Variants in SLC5A8 observed in about 807,000 individuals in gnomAD.
SLC5A8 encodes solute carrier family 5 member 8, also known as sodium-coupled monocarboxylate transporter 1.
SLC5A8 carries 55 observed loss-of-function variants against 71.9 expected under a neutral mutation model. The ratio of observed to expected loss-of-function variants is 0.77; its 90% CI spans 0.62 to 0.96. The LOEUF is 0.96. SLC5A8 is among the 40% of genes least tolerant of loss of function. SLC5A8 has a pLI of 0.00. For missense variants in SLC5A8, 701 were observed against 745.3 expected, an observed-to-expected ratio of 0.94 and a Z score of 0.69; for synonymous variants, 307 against 276.1, an observed-to-expected ratio of 1.11 and a Z score of -1.11.
chr12:101,198,134 A>C (rs1048375293), intron 3 of SLC5A8, among the ~76,000 whole-genome samples: 4 of 152,022 alleles, frequency 2.6e-5, no homozygotes, highest in Non-Finnish European at 5.9e-5. Flanking sequence ...CTAAATAAAA[A>C]CACAAGGTAT....
chr12:101,200,569 G>A (rs1295140696), intron 3 of SLC5A8, among the ~76,000 whole-genome samples: 3 of 151,704 alleles, frequency 2.0e-5, no homozygotes, highest in South Asian at 2.1e-4. Flanking sequence ...AAAAAATCAG[G>A]GAAATGTAAA....
chr12:101,163,438 G>A (rs1388445470), intron 12 of SLC5A8, among the ~76,000 whole-genome samples: 2 of 152,136 alleles, frequency 1.3e-5, no homozygotes, highest in African/African-American at 4.8e-5. Flanking sequence ...CAGCACTTTG[G>A]GAGACCAAGG....
At chr12:101,180,499 G>C (rs1353860188) in intron 9 of SLC5A8, among the ~76,000 whole-genome samples, 1 of 152,200 alleles carries the variant, frequency 6.6e-6, no homozygotes, top group Non-Finnish European at 1.5e-5. Context: ...TACAAGGTGA[G>C]AGAAGGAGTA....
At chr12:101,198,023 A>G (rs1210397892) in intron 3 of SLC5A8, among the ~76,000 whole-genome samples, 1 of 152,210 alleles carries the variant, frequency 6.6e-6, no homozygotes, top group East Asian at 1.9e-4. Context: ...TAACAAAAAG[A>G]CATGATAGAA....
chr12:101,200,222 C>G (rs752782887), intron 3 of SLC5A8, among the ~76,000 whole-genome samples: 4 of 151,574 alleles, frequency 2.6e-5, no homozygotes, highest in Admixed American at 6.6e-5. Flanking sequence ...ATTTCTTGGG[C>G]CCATAGGAGA....
intron 3 of SLC5A8, among the ~76,000 whole-genome samples, chr12:101,200,045 A>AAAAAAAAAAG: frequency 9.7e-6 from 1 of 102,672 alleles, no homozygotes; most frequent in Non-Finnish European, 1.9e-5. Flanking sequence ...AAAAAAAAAA[A>AAAAAAAAAAG]AAAAAAAAAG....
At chr12:101,166,256 C>G (rs563237083) in intron 12 of SLC5A8, among the ~76,000 whole-genome samples, 2 of 152,250 alleles carry the variant, frequency 1.3e-5, no homozygotes, top group South Asian at 4.2e-4. Flanking sequence ...ACAGAAGTTT[C>G]TCATTAATAT....
rs187536570 is a variant in SLC5A8, at chr12:101,193,803, A to T, written c.538-24T>A. The T allele has an allele frequency of 1.9e-6, 3 of 1,610,932 alleles. No homozygotes were observed. The African/African-American group carries it at 4.0e-5, about 22-fold the overall frequency. ...CCCTTTGAGGGGAAAGTATATTAGGATTAATGCTTCTATTAGACATTATTA... is the reference window on the plus strand; with the variant it reads ...CCCTTTGAGGGGAAAGTATATTAGGTTTAATGCTTCTATTAGACATTATTA... On this transcript the variant is annotated intron_variant, in intron 4 of 14. Coordinates refer to ENST00000536262, the MANE Select transcript of SLC5A8 (RefSeq NM_145913.5).
intron 12 of SLC5A8, among the ~76,000 whole-genome samples, chr12:101,163,057 T>C (rs1482718930): frequency 6.6e-6 from 1 of 152,092 alleles, no homozygotes; most frequent in Non-Finnish European, 1.5e-5. Context: ...AGAAACAAAA[T>C]GTTCTTGAGG....
chr12:101,189,021 G>C (rs1033919556), intron 6 of SLC5A8, among the ~76,000 whole-genome samples: 1 of 152,170 alleles, frequency 6.6e-6, no homozygotes, highest in African/African-American at 2.4e-5. Flanking sequence ...AGACGAAAAT[G>C]AGTCCCCTGG....
rs764072164 is a variant in SLC5A8 at position 101,158,262 on chromosome 12, T to C, written c.1697A>G (p.Asp566Gly). The stretch of plus-strand genomic sequence containing the variant: ...AAGCCAACTCACTTTCTTAAAAATA[T>C]CAAAATTGGATAAAAAGTCCTCTTT... ...LTKEDFLSNF[D>G]IFKKKKHVLS... Residue 566 changes from aspartate to glycine, a missense_variant, in exon 14 of 15, where the codon GAT (aspartate) becomes GGT (glycine). Coordinates refer to ENST00000536262, the MANE Select transcript of SLC5A8 (RefSeq NM_145913.5). The C allele has an allele frequency of 1.5e-5, 24 of 1,587,538 alleles. No homozygotes were observed. Among genetic ancestry groups the C allele is most frequent in the South Asian group, 3.4e-5 (3 of 88,544 alleles).
intron 10 of SLC5A8, among the ~76,000 whole-genome samples, chr12:101,175,861 G>A (rs2051875285): frequency 1.3e-5 from 2 of 151,972 alleles, no homozygotes. Context: ...TAAAAGAATG[G>A]CTAAAAGAAG....
intron 2 of SLC5A8, among the ~76,000 whole-genome samples, chr12:101,203,231 C>A (rs981197484): frequency 1.3e-5 from 2 of 152,200 alleles, no homozygotes; most frequent in African/African-American, 4.8e-5. Flanking sequence ...TTTTACACTG[C>A]AGTTGTTAAG....
At chr12:101,196,930 T>C (rs911138879) in intron 3 of SLC5A8, among the ~76,000 whole-genome samples, 1 of 151,980 alleles carries the variant, frequency 6.6e-6, no homozygotes, top group Non-Finnish European at 1.5e-5. Flanking sequence ...TTTTGAAAGC[T>C]CCCCCACCCC....
At chr12:101,185,624 G>A (rs1868600244) in intron 7 of SLC5A8, among the ~76,000 whole-genome samples, 1 of 152,062 alleles carries the variant, frequency 6.6e-6, no homozygotes, top group Admixed American at 6.6e-5. Context: ...TCTCACCCAG[G>A]TTGGAGTGCA....
At chr12:101,195,255 A>T in intron 3 of SLC5A8, 93 bp from the exon 4 acceptor site, 1 of 1,349,586 alleles carries the variant, frequency 7.4e-7, no homozygotes, top group Non-Finnish European at 1.0e-6. Context: ...TATATCATTT[A>T]TCAGGCACCT....
In SLC5A8 at chr12:101,156,344, A is replaced by G. The variant is rs1276538000; in HGVS notation, c.*935T>C. 6.6e-6 allele frequency: 1 copy of G among 152,174 alleles called. No homozygotes were observed. Among genetic ancestry groups the G allele is most frequent in the Admixed American group, 6.6e-5 (1 of 15,254 alleles). 9.4% of individuals were successfully genotyped at this position (152,174 alleles called of 1,614,324 possible). On this transcript the variant is annotated 3_prime_UTR_variant, in exon 15 of 15. Transcript: ENST00000536262. ...TTGAAGAATATAATATTCTTGGATCATCAAGTCCATAAATACCTACATCAA... is the reference window on the plus strand; with the variant it reads ...TTGAAGAATATAATATTCTTGGATCGTCAAGTCCATAAATACCTACATCAA...
chr12:101,179,153 C>T (rs1482036743), intron 10 of SLC5A8, among the ~76,000 whole-genome samples: 4 of 152,026 alleles, frequency 2.6e-5, no homozygotes, highest in Non-Finnish European at 5.9e-5. Context: ...AAAAAAGACA[C>T]CACTAAATGC....
chr12:101,191,507 A>T (rs573848683), intron 5 of SLC5A8, among the ~76,000 whole-genome samples: 1 of 152,218 alleles, frequency 6.6e-6, no homozygotes, highest in African/African-American at 2.4e-5. Context: ...CTAACATTTC[A>T]TATCAAAGTG....
Sources: gnomAD v4.1 joint callset for allele counts (sites outside exome capture counted in the v4.1 genomes callset) on GRCh38, gnomAD v4.1.1 for gene constraint, MANE v1.5 for transcripts, NCBI Gene and HGNC (gene_info 2026-07-23, HGNC 2026-07-21) for gene names.